Variants in SHC4 observed in about 807,000 individuals in gnomAD.
SHC4 encodes SHC-transforming protein 4.
SHC4 carries 41 observed loss-of-function variants against 69.4 expected under a neutral mutation model. The ratio of observed to expected loss-of-function variants is 0.59; its 90% CI spans 0.46 to 0.77. SHC4 has a LOEUF of 0.77. Ranked by LOEUF, SHC4 falls within the 30% of genes least tolerant of loss-of-function variation. The probability of loss-of-function intolerance (pLI) is 0.00; values close to 1 mark genes in which losing one functional copy is unlikely to be tolerated. For synonymous variants in SHC4, 318 were observed against 299.3 expected, an observed-to-expected ratio of 1.06 and a Z score of -0.64; for missense variants, 777 against 783.8, an observed-to-expected ratio of 0.99 and a Z score of 0.10.
chr15:48,897,806 G>C (rs946619015), intron 2 of SHC4, among the ~76,000 whole-genome samples: 1 of 137,030 alleles, frequency 7.3e-6, no homozygotes, highest in South Asian at 2.3e-4. Context: ...CATATGCAGT[G>C]AAGGAGTAGT....
intron 6 of SHC4, among the ~76,000 whole-genome samples, chr15:48,859,596 CAGAT>C (rs1899399143): frequency 1.3e-5 from 2 of 152,206 alleles, no homozygotes; most frequent in Middle Eastern, 6.8e-3. Context: ...TAGTGACCAA[CAGAT>C]AGAAAATGCT....
chr15:48,951,227 C>T (rs1348882918), intron 1 of SHC4, among the ~76,000 whole-genome samples: 1 of 152,082 alleles, frequency 6.6e-6, no homozygotes, highest in Non-Finnish European at 1.5e-5. Context: ...TACAATGGGA[C>T]TCATCCCCAG....
chr15:48,837,376 T>A (rs1355930217), intron 10 of SHC4, among the ~76,000 whole-genome samples: 1 of 152,170 alleles, frequency 6.6e-6, no homozygotes, highest in African/African-American at 2.4e-5. Flanking sequence ...ATTTTAAAAG[T>A]TACACATACT....
Position 48,919,053 on chromosome 15 carries a change from C to T in SHC4, c.656+5826G>A, listed in dbSNP as rs1442158567. Among the ~76,000 whole-genome samples the T allele has an allele frequency of 2.0e-5, 3 of 148,560 alleles. No homozygotes were observed. The East Asian group carries it at 6.0e-4, about 30-fold the overall frequency. ...GGATTTTGAAGCAAGGGACTGATGTCTGGCCCTGGCACTTGGAAATCAGCC... is the reference window on the plus strand; with the variant it reads ...GGATTTTGAAGCAAGGGACTGATGTTTGGCCCTGGCACTTGGAAATCAGCC... On this transcript the variant is annotated intron_variant, in intron 2 of 11. Transcript: ENST00000332408.
intron 7 of SHC4, among the ~76,000 whole-genome samples, chr15:48,856,841 C>T (rs1899327640): frequency 6.7e-6 from 1 of 149,954 alleles, no homozygotes; most frequent in Admixed American, 6.6e-5. Flanking sequence ...TGACAACTCA[C>T]ACAGTTTTGT....
chr15:48,847,671 T>C (rs1243399727), intron 9 of SHC4, among the ~76,000 whole-genome samples: 2 of 152,186 alleles, frequency 1.3e-5, no homozygotes, highest in African/African-American at 4.8e-5. Context: ...GCTATTAAAT[T>C]GCTCATTGGT....
At position 48,834,999 on chromosome 15, in the gene SHC4, C is replaced by T. The variant is rs1898874400; in HGVS notation, c.1507G>A (p.Gly503Ser). Residue 503 changes from glycine to serine, a missense_variant, in exon 11 of 12, where the codon GGT becomes AGT. Coordinates refer to ENST00000332408, the MANE Select transcript of SHC4 (RefSeq NM_203349.4). ...GAGCTGGCAGGCTGGGCTGTGGCACCCGGCTGAACAGTTTCTGGTGCCTCT... is the reference window on the plus strand; with the variant it reads ...GAGCTGGCAGGCTGGGCTGTGGCACTCGGCTGAACAGTTTCTGGTGCCTCT... ...CGKAPETVQP[G>S]ATAQPASSHS... 2 of 1,612,008 alleles carry T rather than the reference C, an allele frequency of 1.2e-6. No individual in the cohort carries two copies. The highest frequency in any genetic ancestry group is 1.7e-6 in the Non-Finnish European group (2 of 1,179,186).
At chr15:48,858,285 A>T (rs903049805) in intron 6 of SHC4, among the ~76,000 whole-genome samples, 2 of 152,184 alleles carry the variant, frequency 1.3e-5, no homozygotes, top group African/African-American at 4.8e-5. Context: ...AGCTGTTGGT[A>T]AAGATAGGGG....
intron 4 of SHC4, chr15:48,878,215 G>C (rs1045554707): frequency 2.5e-6 from 4 of 1,598,072 alleles, no homozygotes; most frequent in African/African-American, 1.3e-5. Flanking sequence ...TGTATGAAGA[G>C]AGCAGTGACC....
chr15:48,911,552 C>T (rs911472030), intron 2 of SHC4, among the ~76,000 whole-genome samples: 4 of 152,088 alleles, frequency 2.6e-5, no homozygotes, highest in African/African-American at 9.7e-5. Context: ...AGCATTTAGG[C>T]CATTTACATT....
intron 2 of SHC4, among the ~76,000 whole-genome samples, chr15:48,913,246 A>G (rs1900543458): frequency 6.7e-6 from 1 of 149,334 alleles, no homozygotes; most frequent in Non-Finnish European, 1.5e-5. Context: ...CTGAGCTCTG[A>G]CTCTCCTTGG....
chr15:48,885,428 GTTATTA>G (rs1311551277), intron 3 of SHC4, among the ~76,000 whole-genome samples: 1 of 152,044 alleles, frequency 6.6e-6, no homozygotes, highest in South Asian at 2.1e-4. Flanking sequence ...CATGAGAGCT[GTTATTA>G]TTATTATTAC....
intron 4 of SHC4, among the ~76,000 whole-genome samples, chr15:48,883,102 T>A (rs1194290645): frequency 6.6e-6 from 1 of 152,220 alleles, no homozygotes; most frequent in East Asian, 1.9e-4. Context: ...TGTACTTATA[T>A]GTTACTGATA....
At chr15:48,878,042 G>C (rs1003586647) in intron 4 of SHC4, 1 of 1,145,924 alleles carries the variant, frequency 8.7e-7, no homozygotes, top group African/African-American at 1.5e-5. Flanking sequence ...GCGCCAAGTA[G>C]GAGGCGGTAC....
At chr15:48,924,060 C>T (rs955656753) in intron 2 of SHC4, among the ~76,000 whole-genome samples, 2 of 152,084 alleles carry the variant, frequency 1.3e-5, no homozygotes, top group Non-Finnish European at 2.9e-5. Flanking sequence ...ATGGGATGAG[C>T]ATTAGGGAGA....
chr15:48,852,319 A>C (rs374951270), intron 8 of SHC4, among the ~76,000 whole-genome samples: 3 of 152,314 alleles, frequency 2.0e-5, no homozygotes, highest in Middle Eastern at 3.4e-3. Context: ...ATGATAACAT[A>C]AAAAGAAAAG....
chr15:48,877,784 A>G lies in SHC4; in HGVS notation c.841-5642T>C, dbSNP rs374234749. 7.6e-5 allele frequency: 14 copies of G among 183,050 alleles called. No homozygotes were observed. In the East Asian group the frequency reaches 1.6e-3, roughly 21 times the overall value. 11.3% of individuals were successfully genotyped at this position (183,050 alleles called of 1,614,324 possible). On this transcript the variant is annotated intron_variant, in intron 4 of 11. Transcript: ENST00000332408. ...GTTTGGAGACGTGGATTTACAAGTC[A>G]TCAGTACATCGGTAAATTGCCCAGG...
chr15:48,955,463 T>C (rs16961939), intron 1 of SHC4, among the ~76,000 whole-genome samples: 2,941 of 152,178 alleles, frequency 0.019, 87 homozygotes, highest in African/African-American at 0.068. Context: ...AATATGAACA[T>C]GGAAATGAGA....
intron 6 of SHC4, among the ~76,000 whole-genome samples, chr15:48,863,169 T>A (rs779396605): frequency 2.0e-4 from 31 of 151,966 alleles, no homozygotes; most frequent in Non-Finnish European, 4.3e-4. Context: ...TAATAAATAT[T>A]CACTGTAAGA....
Sources: gnomAD v4.1 joint callset for allele counts (sites outside exome capture counted in the v4.1 genomes callset) on GRCh38, gnomAD v4.1.1 for gene constraint, MANE v1.5 for transcripts, NCBI Gene and HGNC (gene_info 2026-07-23, HGNC 2026-07-21) for gene names.